The following ART3 variants were observed in gnomAD, a reference collection of about 807,000 sequenced individuals.
The protein encoded by ART3 is ecto-ADP-ribosyltransferase 3.
ART3 carries 49 observed loss-of-function variants against 48.5 expected under a neutral mutation model. The observed-to-expected ratio is 1.01, with a 90% CI of 0.80 to 1.28. The LOEUF is 1.28. Among genes scored for constraint, ART3 ranks in the 50% most tolerant of loss-of-function variants. The probability of loss-of-function intolerance (pLI) is 0.00; values close to 1 mark genes in which losing one functional copy is unlikely to be tolerated. For synonymous variants in ART3, 145 were observed against 157.2 expected (o/e 0.92, Z 0.58); for missense variants, 438 against 454.3 (o/e 0.96, Z 0.33).
chr4:76,040,437 T>TACACACACACACACGCACACACAC (rs1553926409), intron 1 of ART3, among the ~76,000 whole-genome samples: 5 of 88,496 alleles, frequency 5.6e-5, no homozygotes, highest in South Asian at 3.9e-4. Flanking sequence ...ATACACTGGA[T>TACACACACACACACGCACACACAC]ACACACACAC....
At position 76,081,989 on chromosome 4, in the gene ART3, GC is replaced by G; in HGVS notation, c.238del (p.Arg80GlufsTer9). ...VWENAKAKWAARKTQIFLPMN... is the reference protein window; with the variant it reads ...VWENAKAKWAXRKTQIFLPMN... ...GGAAAATGCAAAAGCCAAATGGGCA[GC>G]CCGAAAGACTCAAATCTTTCTCCCT... On this transcript the variant is annotated frameshift_variant, in exon 3 of 12. Coordinates refer to ENST00000355810, the MANE Select transcript of ART3 (RefSeq NM_001130016.3). LOFTEE classifies it high-confidence loss of function. 6.2e-7 allele frequency: 1 copy of G among 1,614,186 alleles called. No individual in the cohort carries two copies. The highest frequency in any genetic ancestry group is 8.5e-7 in the Non-Finnish European group (1 of 1,180,030).
At chr4:76,018,951 G>A (rs1732506362) in intron 1 of ART3, among the ~76,000 whole-genome samples, 1 of 151,752 alleles carries the variant, frequency 6.6e-6, no homozygotes. Context: ...AGAGGTGGGA[G>A]GATTGCTTGA....
intron 3 of ART3, among the ~76,000 whole-genome samples, chr4:76,087,864 A>AT (rs1723951303): frequency 6.6e-6 from 1 of 152,156 alleles, no homozygotes; most frequent in Non-Finnish European, 1.5e-5. Context: ...CTTTTATGCT[A>AT]TTTTTCTAGA....
chr4:76,039,117 T>TTG (rs1734716844), intron 1 of ART3, among the ~76,000 whole-genome samples: 1 of 151,388 alleles, frequency 6.6e-6, no homozygotes, highest in African/African-American at 2.4e-5. Context: ...TTTTTTTTTT[T>TTG]GAGATGGAGT....
chr4:76,104,621 C>T lies in ART3; in HGVS notation c.995C>T (p.Pro332Leu). The T allele has an allele frequency of 6.4e-7, 1 of 1,551,558 alleles. No homozygotes were observed. ...IPGMKIPEPFPLPEDKSQGNI... is the reference protein window; with the variant it reads ...IPGMKIPEPFLLPEDKSQGNI... Reference sequence around the variant, plus strand: ...GGAATGAAAATTCCAGAACCTTTTCCACTACCTGGTAAGCAACTGATAGGC... The same window carrying T: ...GGAATGAAAATTCCAGAACCTTTTCTACTACCTGGTAAGCAACTGATAGGC... Residue 332 changes from proline to leucine, a missense_variant, in exon 10 of 12, where the codon CCA becomes CTA. Coordinates refer to ENST00000355810, the MANE Select transcript of ART3 (RefSeq NM_001130016.3).
At position 76,098,996 on chromosome 4, in the gene ART3, G is replaced by A; in HGVS notation, c.847+9G>A. On this transcript the variant is annotated intron_variant, in intron 5 of 11. Coordinates refer to ENST00000355810, the MANE Select transcript of ART3 (RefSeq NM_001130016.3). ...CTATGTCTACAACCCTGGTGAGTAT[G>A]TTCTAATTTTTAAAAATAATCTTGG... 2 of 1,606,906 alleles carry A rather than the reference G, an allele frequency of 1.2e-6. No homozygotes were observed. The highest frequency in any genetic ancestry group is 1.7e-6 in the Non-Finnish European group (2 of 1,173,624).
chr4:76,030,150 G>A (rs1423277960), intron 1 of ART3, among the ~76,000 whole-genome samples: 1 of 152,102 alleles, frequency 6.6e-6, no homozygotes, highest in Non-Finnish European at 1.5e-5. Context: ...TCCACCTCCC[G>A]GGTTCAAGCG....
At chr4:76,014,339 G>A (rs1382680739) in intron 1 of ART3, among the ~76,000 whole-genome samples, 1 of 152,088 alleles carries the variant, frequency 6.6e-6, no homozygotes, top group African/African-American at 2.4e-5. Context: ...TATTAATAAA[G>A]GGGTAGAAAT....
intron 1 of ART3, among the ~76,000 whole-genome samples, chr4:76,066,157 A>C (rs1719715208): frequency 6.6e-6 from 1 of 152,202 alleles, no homozygotes; most frequent in Admixed American, 6.5e-5. Flanking sequence ...ATCTTTTAGC[A>C]GCAGAGATTT....
At chr4:76,064,025 C>T (rs10017657) in intron 1 of ART3, among the ~76,000 whole-genome samples, 89,083 of 151,640 alleles carry the variant, frequency 0.59, 26,970 homozygotes, top group East Asian at 0.94. Flanking sequence ...TAGCATGAGA[C>T]AAAAAATAAA....
At chr4:76,063,229 C>T (rs573675047) in intron 1 of ART3, among the ~76,000 whole-genome samples, 2 of 152,174 alleles carry the variant, frequency 1.3e-5, no homozygotes, top group Non-Finnish European at 2.9e-5. Flanking sequence ...AACATCCCAA[C>T]ACCTAGAATA....
At chr4:76,110,911 A>C (rs1159759956) in intron 11 of ART3, among the ~76,000 whole-genome samples, 1 of 152,022 alleles carries the variant, frequency 6.6e-6, no homozygotes, top group South Asian at 2.1e-4. Context: ...TTTATCATTT[A>C]CTACCATAAA....
intron 1 of ART3, chr4:76,034,923 T>C: frequency 7.4e-7 from 1 of 1,354,944 alleles, no homozygotes; most frequent in African/African-American, 1.5e-5. Context: ...CAAGGACCCC[T>C]TAACAGAATA....
chr4:76,024,279 G>A (rs1733160021), intron 1 of ART3, among the ~76,000 whole-genome samples: 1 of 151,922 alleles, frequency 6.6e-6, no homozygotes, highest in Non-Finnish European at 1.5e-5. Flanking sequence ...TGCTTTTTGA[G>A]GAAATGAATT....
chr4:76,062,137 A>C (rs1479871124), intron 1 of ART3, among the ~76,000 whole-genome samples: 1 of 152,244 alleles, frequency 6.6e-6, no homozygotes, highest in East Asian at 1.9e-4. Flanking sequence ...GAAAGCTACC[A>C]GACCTACTCA....
intron 1 of ART3, chr4:76,022,837 G>T: frequency 6.2e-7 from 1 of 1,602,984 alleles, no homozygotes; most frequent in Non-Finnish European, 8.5e-7. Flanking sequence ...AAGAGGAACA[G>T]CAGAGAAGGT....
intron 4 of ART3, among the ~76,000 whole-genome samples, 185 bp downstream of exon 4, chr4:76,097,861 C>T (rs1726363093): frequency 6.6e-6 from 1 of 152,142 alleles, no homozygotes; most frequent in South Asian, 2.1e-4. Flanking sequence ...TGCTGCCAGT[C>T]CCCACTGCCA....
chr4:76,083,027 TA>T (rs1346124221), intron 3 of ART3, among the ~76,000 whole-genome samples: 1 of 152,060 alleles, frequency 6.6e-6, no homozygotes. Flanking sequence ...CCATTTCTGC[TA>T]AAATAAAAAT....
chr4:76,102,305 T>G (rs1727509761), intron 8 of ART3, among the ~76,000 whole-genome samples: 1 of 151,932 alleles, frequency 6.6e-6, no homozygotes, highest in Non-Finnish European at 1.5e-5. Flanking sequence ...AATGGCCAAT[T>G]TGGGAAATTC....
Sources: allele counts gnomAD v4.1 joint callset (sites outside exome capture counted in the v4.1 genomes callset), GRCh38; gene constraint gnomAD v4.1.1; transcripts MANE v1.5; gene names NCBI Gene and HGNC (gene_info 2026-07-23, HGNC 2026-07-21).